PRKCB: variants seen among roughly 807,000 people sequenced by gnomAD.
The protein encoded by PRKCB is protein kinase C beta.
Under a neutral mutation model 81.5 loss-of-function variants are expected in PRKCB, and 13 were observed. The observed-to-expected ratio is 0.16, with a 90% CI of 0.10 to 0.25. PRKCB has a LOEUF of 0.25. Ranked by LOEUF, PRKCB falls within the 10% of genes least tolerant of loss-of-function variation. The pLI, the probability that PRKCB is intolerant of heterozygous loss-of-function variation, is 1.00. For missense variants in PRKCB, 509 were observed against 875.7 expected (o/e 0.58, Z 5.29); for synonymous variants, 335 against 321.4 (o/e 1.04, Z -0.45).
chr16:23,981,173 C>G (rs1964696807), intron 2 of PRKCB, among the ~76,000 whole-genome samples: 1 of 152,130 alleles, frequency 6.6e-6, no homozygotes, highest in African/African-American at 2.4e-5. Flanking sequence ...GAGGTGTCAG[C>G]AGGGCTGCCT....
At chr16:23,992,614 G>A (rs867320011) in intron 3 of PRKCB, among the ~76,000 whole-genome samples, 2 of 152,232 alleles carry the variant, frequency 1.3e-5, no homozygotes, top group Admixed American at 6.5e-5. Context: ...TGAATTCCCA[G>A]CTCAAAGAGT....
At chr16:23,854,101 A>G (rs1326846043) in intron 2 of PRKCB, among the ~76,000 whole-genome samples, 1 of 151,306 alleles carries the variant, frequency 6.6e-6, no homozygotes, top group East Asian at 2.0e-4. Flanking sequence ...TGATTCCATT[A>G]CCTTCCGCCA....
chr16:24,167,142 T>TA lies in PRKCB; in HGVS notation c.1240-5113dup, dbSNP rs10715574. On this transcript the variant is annotated intron_variant, in intron 10 of 16. Coordinates refer to ENST00000643927, the MANE Select transcript of PRKCB (RefSeq NM_002738.7). ...TGCTATTTTTAGGCTTGTTTTCTATTAAAAAAAAAAAAAAAGCCAAAGAAC... is the reference window on the plus strand; with the variant it reads ...TGCTATTTTTAGGCTTGTTTTCTATTAAAAAAAAAAAAAAAAGCCAAAGAAC... 4.0e-3 allele frequency among the ~76,000 whole-genome samples: 568 copies of TA among 140,618 alleles called. 1 individual carries two copies. Among genetic ancestry groups the TA allele is most frequent in the African/African-American group, 7.7e-3 (294 of 38,116 alleles). 92.3% of individuals were successfully genotyped at this position (140,618 alleles called of 152,430 possible).
chr16:23,888,294 G>A (rs570857708), intron 2 of PRKCB, among the ~76,000 whole-genome samples: 3 of 152,188 alleles, frequency 2.0e-5, no homozygotes, highest in Non-Finnish European at 4.4e-5. Context: ...ACAGCGGAAG[G>A]CACAGCTTGG....
intron 10 of PRKCB, among the ~76,000 whole-genome samples, chr16:24,156,262 C>T (rs1401856350): frequency 3.3e-5 from 5 of 151,940 alleles, no homozygotes; most frequent in Admixed American, 1.3e-4. Flanking sequence ...CTGTTGTGCT[C>T]CAAGGGTGGC....
In PRKCB at chr16:23,846,677, G is replaced by A. The variant is rs533876750; in HGVS notation, c.205+9271G>A. On this transcript the variant is annotated intron_variant, in intron 2 of 16. Transcript: ENST00000643927. ...CCAACTTTTTTTTGAGTCAGCGAGG[G>A]TACACTTTTACCTAATGTTGAGCCT... 3.3e-5 allele frequency among the ~76,000 whole-genome samples: 5 copies of A among 150,894 alleles called. No individual in the cohort carries two copies. In the South Asian group the frequency reaches 1.0e-3, roughly 32 times the overall value.
intron 3 of PRKCB, among the ~76,000 whole-genome samples, chr16:24,002,019 A>G (rs1965040987): frequency 6.6e-6 from 1 of 152,054 alleles, no homozygotes; most frequent in Non-Finnish European, 1.5e-5. Flanking sequence ...TTGAAACATC[A>G]GTTATTTGTG....
At chr16:24,078,334 G>A (rs539992951) in intron 5 of PRKCB, among the ~76,000 whole-genome samples, 2 of 152,210 alleles carry the variant, frequency 1.3e-5, no homozygotes, top group African/African-American at 4.8e-5. Context: ...ACGCCATCCT[G>A]GTTCCTGTCC....
In PRKCB at chr16:23,950,140, T is replaced by TTG. The variant is rs1567323522; in HGVS notation, c.206-38367_206-38366insGT. Among the ~76,000 whole-genome samples the TTG allele has an allele frequency of 1.3e-4, 19 of 143,416 alleles. 1 individual carries two copies. Among genetic ancestry groups the TTG allele is most frequent in the African/African-American group, 4.6e-4 (18 of 38,766 alleles). 94.1% of individuals were successfully genotyped at this position (143,416 alleles called of 152,430 possible). ...TGGCCCCTATGATTTGAATTTTTTT[T>TTG]TTTTTTTTTTTTTTTTTTCTGTTGA... On this transcript the variant is annotated intron_variant, in intron 2 of 16. Transcript: ENST00000643927.
chr16:23,975,323 G>T (rs1228521309), intron 2 of PRKCB, among the ~76,000 whole-genome samples: 1 of 152,100 alleles, frequency 6.6e-6, no homozygotes, highest in Non-Finnish European at 1.5e-5. Context: ...GCCACCTCAG[G>T]AGGCACAATT....
At chr16:23,933,569 A>G (rs1049356655) in intron 2 of PRKCB, among the ~76,000 whole-genome samples, 1 of 151,994 alleles carries the variant, frequency 6.6e-6, no homozygotes, top group Non-Finnish European at 1.5e-5. Context: ...CTACCAGAAG[A>G]CCTTCAATTA....
At chr16:23,931,528 G>GA (rs1567317507) in intron 2 of PRKCB, among the ~76,000 whole-genome samples, 1 of 152,180 alleles carries the variant, frequency 6.6e-6, no homozygotes, top group Non-Finnish European at 1.5e-5. Flanking sequence ...GTTGGGGTGA[G>GA]GGTGTGAGAA....
rs375589097 is a variant in PRKCB, at chr16:23,981,351, C to G, written c.206-7157C>G. 1.4e-4 allele frequency among the ~76,000 whole-genome samples: 21 copies of G among 152,178 alleles called. No homozygotes were observed. In the South Asian group the frequency reaches 1.9e-3, roughly 14 times the overall value. On this transcript the variant is annotated intron_variant, in intron 2 of 16. Transcript: ENST00000643927. ...TCTTCCCTCCCTCCTATAAGGACCC[C>G]TGTGATCACACTGGGCTCATCCAGA...
chr16:24,013,655 C>T (rs1033536494), intron 3 of PRKCB, among the ~76,000 whole-genome samples: 4 of 151,952 alleles, frequency 2.6e-5, no homozygotes, highest in African/African-American at 7.3e-5. Flanking sequence ...GGTTGGCATC[C>T]GTTGTTTGAT....
intron 10 of PRKCB, among the ~76,000 whole-genome samples, chr16:24,169,107 C>A (rs886089208): frequency 6.6e-6 from 1 of 151,970 alleles, no homozygotes; most frequent in African/African-American, 2.4e-5. Context: ...ATGAAGATAT[C>A]AAGGCTCAGG....
rs1212349019 is a variant in PRKCB at position 24,214,663 on chromosome 16, G to A, written c.1869G>A (p.Gly623=). Residue 623 remains glycine, a synonymous_variant, in exon 17 of 17, where the codon GGG becomes GGA. Transcript: ENST00000643927. ...IQPPYKPKAC[G]RNAENFDRFF... is the part of the protein sequence containing the mutation. ...CTTTTCTTCCCCTCTCATAGTGTGG[G>A]CGAAATGCTGAAAACTTCGACCGAT... 1.2e-6 allele frequency: 2 copies of A among 1,613,808 alleles called. No homozygotes were observed. Among genetic ancestry groups the A allele is most frequent in the African/African-American group, 2.7e-5 (2 of 74,850 alleles).
At position 23,895,204 on chromosome 16, in the gene PRKCB, T is replaced by A. The variant is rs528204506; in HGVS notation, c.205+57798T>A. Among the ~76,000 whole-genome samples, 22 of 152,330 alleles carry A rather than the reference T, an allele frequency of 1.4e-4. No individual in the cohort carries two copies. In the East Asian group the frequency reaches 4.2e-3, roughly 29 times the overall value. On this transcript the variant is annotated intron_variant, in intron 2 of 16. Coordinates refer to ENST00000643927, the MANE Select transcript of PRKCB (RefSeq NM_002738.7). ...TAGCATAAAACTATATATATTGTCC[T>A]GTAATGATGTGAAAAATTGCCTTGC...
chr16:24,028,810 T>G (rs36070722), intron 3 of PRKCB, among the ~76,000 whole-genome samples: 61,454 of 151,766 alleles, frequency 0.4, 12,742 homozygotes, highest in South Asian at 0.62. Flanking sequence ...TGTTGTTTTT[T>G]TTTTTTCCCC....
At chr16:23,885,854 A>G (rs1489818460) in intron 2 of PRKCB, among the ~76,000 whole-genome samples, 1 of 152,172 alleles carries the variant, frequency 6.6e-6, no homozygotes, top group South Asian at 2.1e-4. Context: ...GTGAGCCATC[A>G]CCAGGTTGAT....
Sources: gnomAD v4.1 joint callset for allele counts (sites outside exome capture counted in the v4.1 genomes callset) on GRCh38, gnomAD v4.1.1 for gene constraint, MANE v1.5 for transcripts, NCBI Gene and HGNC (gene_info 2026-07-23, HGNC 2026-07-21) for gene names.